SGK2: variants seen among roughly 807,000 people sequenced by gnomAD.
SGK2 encodes the protein serum/glucocorticoid regulated kinase 2.
Under a neutral mutation model 47.5 loss-of-function variants are expected in SGK2, and 36 were observed. The ratio of observed to expected loss-of-function variants is 0.76; its 90% confidence interval spans 0.58 to 1.00. The LOEUF is 1.00. Among genes scored for constraint, SGK2 ranks in the 50% least tolerant of loss-of-function variants. The pLI is 0.00. For missense variants in SGK2, 404 were observed against 467.4 expected (o/e 0.86, Z 1.25); for synonymous variants, 157 against 181.9 (o/e 0.86, Z 1.10).
At chr20:43,573,814 C>T (rs1337193363) in intron 9 of SGK2, among the ~76,000 whole-genome samples, 4 of 152,158 alleles carry the variant, frequency 2.6e-5, no homozygotes, top group Non-Finnish European at 4.4e-5. Context: ...ATAAAGCCAG[C>T]GCCCCAAAGC....
chr20:43,560,907 A>C (rs1979341888), intron 1 of SGK2, among the ~76,000 whole-genome samples: 1 of 152,198 alleles, frequency 6.6e-6, no homozygotes, highest in Non-Finnish European at 1.5e-5. Flanking sequence ...CTGATGTTCT[A>C]GTTGGAGATA....
chr20:43,577,347 C>CTTTTT (rs924498448), intron 11 of SGK2, among the ~76,000 whole-genome samples: 3 of 122,114 alleles, frequency 2.5e-5, no homozygotes, highest in Admixed American at 8.5e-5. Context: ...ACTGCATCTG[C>CTTTTT]TTTTTTTTTT....
At chr20:43,581,730 T>A (rs958130620) in intron 12 of SGK2, among the ~76,000 whole-genome samples, 1 of 152,162 alleles carries the variant, frequency 6.6e-6, no homozygotes, top group Non-Finnish European at 1.5e-5. Flanking sequence ...GGTTTCACCA[T>A]ATTGGCCAGG....
intron 6 of SGK2, among the ~76,000 whole-genome samples, chr20:43,570,256 T>C (rs1368376850): frequency 6.6e-6 from 1 of 152,186 alleles, no homozygotes; most frequent in Admixed American, 6.5e-5. Flanking sequence ...ATAAGCTACA[T>C]GACCTTGGGC....
chr20:43,562,871 G>A (rs144373620), intron 1 of SGK2, among the ~76,000 whole-genome samples: 144 of 151,704 alleles, frequency 9.5e-4, no homozygotes, highest in African/African-American at 2.9e-3. Context: ...AGTGGCTCAC[G>A]CCTGTAATCC....
At chr20:43,573,438 G>A (rs753908099) in intron 9 of SGK2, among the ~76,000 whole-genome samples, 11 of 145,262 alleles carry the variant, frequency 7.6e-5, no homozygotes, top group Non-Finnish European at 1.0e-4. Flanking sequence ...GCAGTGAGCC[G>A]AGATCGGGTC....
chr20:43,570,960 G>T, intron 7 of SGK2, 64 bp from the exon 8 acceptor site: 1 of 1,611,216 alleles, frequency 6.2e-7, no homozygotes, highest in Non-Finnish European at 8.5e-7. Flanking sequence ...CCCCGCCCAG[G>T]TCTCCAACTC....
chr20:43,584,020 G>A (rs998941595), intron 12 of SGK2, among the ~76,000 whole-genome samples: 3 of 152,094 alleles, frequency 2.0e-5, no homozygotes, highest in Admixed American at 1.3e-4. Flanking sequence ...TCTGAGTCAG[G>A]CCAGCTGGTC....
intron 3 of SGK2, 59 bp downstream of exon 3, chr20:43,567,176 T>G: frequency 7.2e-7 from 1 of 1,384,876 alleles, no homozygotes; most frequent in Non-Finnish European, 1.0e-6. Context: ...CTGGCTCCCC[T>G]TGCCTTGGGA....
chr20:43,569,693 C>T (rs185733468), intron 6 of SGK2, 177 bp downstream of exon 6: 4 of 641,354 alleles, frequency 6.2e-6, no homozygotes, highest in East Asian at 5.7e-5. Context: ...GGCCACCCAG[C>T]GCATACCTGG....
At chr20:43,573,275 G>A (rs1980254855) in intron 9 of SGK2, among the ~76,000 whole-genome samples, 1 of 152,196 alleles carries the variant, frequency 6.6e-6, no homozygotes, top group Non-Finnish European at 1.5e-5. Flanking sequence ...GATCACCTGA[G>A]GTCAGGAGTT....
chr20:43,568,007 A>T lies in SGK2; in HGVS notation c.228+8A>T, dbSNP rs62224800. On this transcript the variant is annotated splice_region_variant and intron_variant, in intron 5 of 12. Transcript: ENST00000373100. The stretch of plus-strand genomic sequence containing the variant: ...ATCTTAAAGAAGAAAGAGGTACCAG[A>T]GCTCGGGCACAGGCATTTCTTCTTC... The T allele has an allele frequency of 0.011, 18,130 of 1,611,976 alleles. 119 individuals are homozygous for T. Among genetic ancestry groups the T allele is most frequent in the Non-Finnish European group, 0.014 (16,250 of 1,178,036 alleles).
At chr20:43,571,123 T>C in intron 8 of SGK2, 63 bp downstream of exon 8, 2 of 1,599,768 alleles carry the variant, frequency 1.3e-6, no homozygotes, top group African/African-American at 2.7e-5. Flanking sequence ...ACAGGTACAC[T>C]ATCTGACCAT....
intron 1 of SGK2, 45 bp from the exon 2 acceptor site, chr20:43,566,428 C>T (rs1979721069): frequency 6.2e-7 from 1 of 1,613,948 alleles, no homozygotes; most frequent in African/African-American, 1.3e-5. Context: ...GGAGCTGACC[C>T]CCCAACACCA....
rs1316263173 is a variant in SGK2 at position 43,567,664 on chromosome 20, G to T, written c.87-1G>T. Reference sequence around the variant, plus strand: ...ATCCGTGTTTTTCCCTCTTCCCCCAGTGCCCAGCCCACGGACTTCGACTTC... The same window carrying T: ...ATCCGTGTTTTTCCCTCTTCCCCCATTGCCCAGCCCACGGACTTCGACTTC... On this transcript the variant is annotated splice_acceptor_variant, in intron 3 of 12. Coordinates refer to ENST00000373100, the MANE Select transcript of SGK2 (RefSeq NM_170693.3). LOFTEE classifies it high-confidence loss of function. The T allele has an allele frequency of 6.2e-7, 1 of 1,614,126 alleles. No homozygotes were observed. Among genetic ancestry groups the T allele is most frequent in the Non-Finnish European group, 8.5e-7 (1 of 1,179,998 alleles).
intron 3 of SGK2, among the ~76,000 whole-genome samples, chr20:43,567,343 C>T (rs1368153298): frequency 6.6e-6 from 1 of 152,240 alleles, no homozygotes; most frequent in Admixed American, 6.5e-5. Flanking sequence ...TAGCAACTCC[C>T]CACACTTCAG....
At chr20:43,571,118 T>A in intron 8 of SGK2, 58 bp downstream of exon 8, 1 of 1,601,890 alleles carries the variant, frequency 6.2e-7, no homozygotes, top group Admixed American at 1.7e-5. Flanking sequence ...GTTGCACAGG[T>A]ACACTATCTG....
chr20:43,581,186 G>GTTTTT (rs1980776268), intron 12 of SGK2, among the ~76,000 whole-genome samples: 1 of 151,900 alleles, frequency 6.6e-6, no homozygotes, highest in Non-Finnish European at 1.5e-5. Flanking sequence ...GTTTTGTTTT[G>GTTTTT]TTTTTAACCT....
Position 43,576,306 on chromosome 20 carries a change from T to G in SGK2, c.776T>G (p.Val259Gly). 7 of 1,614,204 alleles carry G rather than the reference T, an allele frequency of 4.3e-6. No individual in the cohort carries two copies. The highest frequency in any genetic ancestry group is 5.9e-6 in the Non-Finnish European group (7 of 1,180,018). Reference sequence around the variant, plus strand: ...CTACAGATCCCCGGAGGCCGGACAGTGGCCGCCTGTGACCTCCTGCAAAGC... The same window carrying G: ...CTACAGATCCCCGGAGGCCGGACAGGGGCCGCCTGTGACCTCCTGCAAAGC... ...QPLQIPGGRT[V>G]AACDLLQSLL... The change falls in exon 11 of 13, where the codon GTG becomes GGG. Residue 259 changes from valine (V) to glycine (G), a missense_variant. Transcript: ENST00000373100.
Sources: allele counts gnomAD v4.1 joint callset (sites outside exome capture counted in the v4.1 genomes callset), GRCh38; gene constraint gnomAD v4.1.1; transcripts MANE v1.5; gene names NCBI Gene and HGNC (gene_info 2026-07-23, HGNC 2026-07-21).